The following NECAB1 variants were observed in gnomAD, a reference collection of about 807,000 sequenced individuals.
NECAB1 encodes the protein N-terminal EF-hand calcium binding protein 1, also known as N-terminal EF-hand calcium-binding protein 1.
A neutral mutation model predicts 57.5 loss-of-function variants in NECAB1; 29 were observed. That is an observed-to-expected ratio of 0.50 (90% CI 0.38 to 0.69). NECAB1 has a LOEUF of 0.69. Among genes scored for constraint, NECAB1 ranks in the 30% least tolerant of loss-of-function variants. The pLI, the probability that NECAB1 is intolerant of heterozygous loss-of-function variation, is 0.00. For missense variants in NECAB1, 372 were observed against 413.8 expected, an observed-to-expected ratio of 0.90 and a Z score of 0.88; for synonymous variants, 142 against 147.7, an observed-to-expected ratio of 0.96 and a Z score of 0.28.
chr8:90,860,868 T>C (rs1236591708), intron 3 of NECAB1, among the ~76,000 whole-genome samples: 2 of 151,664 alleles, frequency 1.3e-5, no homozygotes, highest in South Asian at 2.1e-4. Flanking sequence ...GGCAAAAATA[T>C]TCCCCCTAGT....
At chr8:90,898,443 C>G (rs1459623240) in intron 5 of NECAB1, among the ~76,000 whole-genome samples, 2 of 152,130 alleles carry the variant, frequency 1.3e-5, no homozygotes, top group South Asian at 2.1e-4. Context: ...ACCACAGGAC[C>G]CTAAAAAATT....
Position 90,959,232 on chromosome 8 carries a change from T to C in NECAB1, c.*3720T>C, listed in dbSNP as rs1402402578. The C allele has an allele frequency of 3.1e-5, 10 of 317,846 alleles. No individual in the cohort carries two copies. The highest frequency in any genetic ancestry group is 5.7e-5 in the East Asian group (1 of 17,422). 19.7% of individuals were successfully genotyped at this position (317,846 alleles called of 1,614,324 possible). On this transcript the variant is annotated 3_prime_UTR_variant, in exon 13 of 13. Transcript: ENST00000417640. ...AATATATGTAACTCATTTTAAAATA[T>C]ATTAAATTGTATTCCAAACCTGTTC... is the stretch of plus-strand genomic sequence containing the variant.
At chr8:90,889,553 T>A (rs991859797) in intron 5 of NECAB1, among the ~76,000 whole-genome samples, 2 of 152,194 alleles carry the variant, frequency 1.3e-5, no homozygotes, top group Non-Finnish European at 1.5e-5. Flanking sequence ...AAGTGGGTGA[T>A]TCCTATTCAG....
rs1811025837 is a variant in NECAB1 at position 90,956,062 on chromosome 8, C to T, written c.*550C>T. 6.6e-6 allele frequency: 1 copy of T among 152,084 alleles called. No individual in the cohort carries two copies. Among genetic ancestry groups the T allele is most frequent in the African/African-American group, 2.4e-5 (1 of 41,442 alleles). 9.4% of individuals were successfully genotyped at this position (152,084 alleles called of 1,614,324 possible). A position where few individuals can be genotyped will look rare whatever the true frequency, so the allele number is the denominator to read the frequency against. ...AAAAAGTTAGTATATAGGCATCAAA[C>T]AACCTTGGCTGTAACCTATAGAATC... On this transcript the variant is annotated 3_prime_UTR_variant, in exon 13 of 13. Coordinates refer to ENST00000417640, the MANE Select transcript of NECAB1 (RefSeq NM_022351.5).
intron 1 of NECAB1, among the ~76,000 whole-genome samples, chr8:90,793,999 G>T (rs1406171567): frequency 6.6e-6 from 1 of 152,044 alleles, no homozygotes; most frequent in Non-Finnish European, 1.5e-5. Flanking sequence ...CTGTGAATAG[G>T]GTGGTCTTGC....
chr8:90,895,878 C>A (rs930960063), intron 5 of NECAB1, among the ~76,000 whole-genome samples: 2 of 152,196 alleles, frequency 1.3e-5, no homozygotes, highest in African/African-American at 2.4e-5. Context: ...TTGTAACTTT[C>A]TACTCCCTTT....
intron 3 of NECAB1, among the ~76,000 whole-genome samples, chr8:90,858,537 A>G (rs1261030635): frequency 6.6e-6 from 1 of 152,126 alleles, no homozygotes; most frequent in Non-Finnish European, 1.5e-5. Context: ...AAGAGAGTAT[A>G]TCCATGAATA....
chr8:90,903,677 T>G (rs1193321447), intron 5 of NECAB1, among the ~76,000 whole-genome samples: 1 of 152,202 alleles, frequency 6.6e-6, no homozygotes, highest in Non-Finnish European at 1.5e-5. Flanking sequence ...GGGGAAGAGA[T>G]TCTTTCAACA....
rs535715142 is a variant in NECAB1, at chr8:90,917,380, T to G, written c.358-112T>G. The G allele has an allele frequency of 3.9e-5, 34 of 879,836 alleles. No homozygotes were observed. The African/African-American group carries it at 5.1e-4, about 13-fold the overall frequency. 54.5% of individuals were successfully genotyped at this position (879,836 alleles called of 1,614,324 possible). A position where few individuals can be genotyped will look rare whatever the true frequency, so the allele number is the denominator to read the frequency against. ...CAGATCTTTTCCCTTCTCTCCACCC[T>G]CTCTCTCTAGGATCAATCTGGGATT... On this transcript the variant is annotated intron_variant, in intron 5 of 12. Coordinates refer to ENST00000417640, the MANE Select transcript of NECAB1 (RefSeq NM_022351.5).
At chr8:90,837,842 T>A (rs1221673600) in intron 3 of NECAB1, among the ~76,000 whole-genome samples, 1 of 152,258 alleles carries the variant, frequency 6.6e-6, no homozygotes, top group Non-Finnish European at 1.5e-5. Context: ...TAGAATGGAC[T>A]GTAAGAGGTT....
intron 3 of NECAB1, among the ~76,000 whole-genome samples, chr8:90,868,760 CAG>C (rs1378515540): frequency 2.6e-5 from 4 of 152,216 alleles, no homozygotes; most frequent in Non-Finnish European, 4.4e-5. Context: ...AGAAAATTCT[CAG>C]CCCATCCATG....
At chr8:90,835,112 A>G (rs1812350829) in intron 3 of NECAB1, among the ~76,000 whole-genome samples, 1 of 151,516 alleles carries the variant, frequency 6.6e-6, no homozygotes, top group Admixed American at 6.6e-5. Flanking sequence ...TTTTATATTT[A>G]TTAGGGTGTT....
intron 10 of NECAB1, among the ~76,000 whole-genome samples, chr8:90,944,163 G>A (rs980372887): frequency 5.3e-5 from 8 of 152,116 alleles, no homozygotes; most frequent in African/African-American, 1.2e-4. Context: ...TAAAACTAGC[G>A]TTTAATCCTT....
intron 5 of NECAB1, among the ~76,000 whole-genome samples, chr8:90,893,473 C>T (rs563480883): frequency 2.0e-5 from 3 of 152,236 alleles, no homozygotes; most frequent in Non-Finnish European, 4.4e-5. Flanking sequence ...AATCAATCAC[C>T]CGGAAGGGAA....
intron 2 of NECAB1, among the ~76,000 whole-genome samples, chr8:90,802,699 A>G (rs1403149321): frequency 6.6e-6 from 1 of 152,182 alleles, no homozygotes; most frequent in Non-Finnish European, 1.5e-5. Flanking sequence ...ACCTTTCTAC[A>G]CAAAAGAAGA....
At chr8:90,921,025 T>G (rs1810096373) in intron 6 of NECAB1, among the ~76,000 whole-genome samples, 2 of 152,138 alleles carry the variant, frequency 1.3e-5, no homozygotes, top group Admixed American at 6.5e-5. Context: ...TTTGTTTGTT[T>G]GTTTGTTTTG....
Position 90,955,509 on chromosome 8 carries a change from CT to C in NECAB1, c.1054del (p.Ter352ArgfsTer4). On this transcript the variant is annotated frameshift_variant and stop_lost, in exon 13 of 13. Transcript: ENST00000417640. LOFTEE classifies it high-confidence loss of function. ...VPASWWILNN* is the reference protein window; with the variant it reads ...VPASWWILNNX ...CAGCTTCGTGGTGGATCCTGAACAACTAGATGTTCCTAGACATTTTCTTTAT... is the reference window on the plus strand; with the variant it reads ...CAGCTTCGTGGTGGATCCTGAACAACAGATGTTCCTAGACATTTTCTTTAT... The C allele has an allele frequency of 6.4e-7, 1 of 1,554,298 alleles. No homozygotes were observed. Among genetic ancestry groups the C allele is most frequent in the Admixed American group, 1.9e-5 (1 of 51,464 alleles).
At chr8:90,925,688 A>G (rs1810248522) in intron 7 of NECAB1, 32 bp downstream of exon 7, 1 of 1,611,872 alleles carries the variant, frequency 6.2e-7, no homozygotes, top group Non-Finnish European at 8.5e-7. Flanking sequence ...TTTATTTGTC[A>G]AAGTCTATTT....
chr8:90,792,123 G>C, intron 1 of NECAB1, 138 bp downstream of exon 1: 1 of 679,536 alleles, frequency 1.5e-6, no homozygotes, highest in Non-Finnish European at 2.5e-6. Flanking sequence ...TGCAAATGCA[G>C]GAGGAACGAC....
Sources: allele counts gnomAD v4.1 joint callset (sites outside exome capture counted in the v4.1 genomes callset), GRCh38; gene constraint gnomAD v4.1.1; transcripts MANE v1.5; gene names NCBI Gene and HGNC (gene_info 2026-07-23, HGNC 2026-07-21).